The following SORCS1 variants were observed in gnomAD, a reference collection of about 807,000 sequenced individuals.
SORCS1 encodes the protein VPS10 domain-containing receptor SorCS1.
In SORCS1, 60 loss-of-function variants were observed where a neutral mutation model predicts 146.1. That is an observed-to-expected ratio of 0.41 (90% CI 0.33 to 0.51). The LOEUF (loss-of-function observed/expected upper bound fraction) is 0.51. Ranked by LOEUF, SORCS1 falls within the 20% of genes least tolerant of loss-of-function variation. The pLI, the probability that SORCS1 is intolerant of heterozygous loss-of-function variation, is 0.21. For missense variants in SORCS1, 1,352 were observed against 1,487.6 expected (o/e 0.91, Z 1.50); for synonymous variants, 637 against 584.0 (o/e 1.09, Z -1.31).
At chr10:106,644,400 CTT>C (rs550807756) in intron 18 of SORCS1, among the ~76,000 whole-genome samples, 90 of 152,020 alleles carry the variant, frequency 5.9e-4, no homozygotes, top group Non-Finnish European at 9.7e-4. Flanking sequence ...GAGTCTAGCT[CTT>C]GTCACCCAGG....
chr10:106,834,191 T>A (rs985235910), intron 2 of SORCS1, among the ~76,000 whole-genome samples: 4 of 152,184 alleles, frequency 2.6e-5, no homozygotes, highest in Admixed American at 2.6e-4. Flanking sequence ...TAGTCTCCTA[T>A]GGACATGAGC....
chr10:107,131,582 G>A (rs557915605), intron 1 of SORCS1, among the ~76,000 whole-genome samples: 55 of 152,230 alleles, frequency 3.6e-4, no homozygotes, highest in Non-Finnish European at 4.4e-4. Flanking sequence ...AAAATTAGCC[G>A]GGTGTGGTGG....
In SORCS1 at chr10:107,164,596, G is replaced by T; in HGVS notation, c.-70C>A. The T allele has an allele frequency of 8.1e-7, 1 of 1,229,696 alleles. No homozygotes were observed. The highest frequency in any genetic ancestry group is 1.0e-6 in the Non-Finnish European group (1 of 964,940). The allele number at this position is 1,229,696 out of a possible 1,614,324, so 76.2% of individuals were successfully genotyped here. On this transcript the variant is annotated 5_prime_UTR_variant, in exon 1 of 26. Coordinates refer to ENST00000263054, the MANE Select transcript of SORCS1 (RefSeq NM_052918.5). This position sits in a 1 kb window ranked among gnomAD's most constrained non-coding sequence, Gnocchi z 6.8. ...TGGCGGCACGAGCTCTGCGCTGGCG[G>T]CTGTGGGGGGCCGGCGCTCAGGACC...
intron 1 of SORCS1, among the ~76,000 whole-genome samples, chr10:107,126,225 A>G (rs1289949403): frequency 6.6e-6 from 1 of 152,076 alleles, no homozygotes; most frequent in Non-Finnish European, 1.5e-5. Flanking sequence ...CATCCTATCT[A>G]AAACAAACAA....
chr10:106,653,488 G>T (rs1850042462), intron 17 of SORCS1, among the ~76,000 whole-genome samples: 1 of 152,192 alleles, frequency 6.6e-6, no homozygotes, highest in Admixed American at 6.5e-5. Flanking sequence ...GATAGTGAAT[G>T]TTTCAGTTTT....
Position 106,668,587 on chromosome 10 carries a change from C to G in SORCS1, c.2190-785G>C, listed in dbSNP as rs567563742. ...GCACAGACAAATTGCAGGCAGCAAT[C>G]GGCAAGCATTAGTATGAACTGGCCC... On this transcript the variant is annotated intron_variant, in intron 16 of 25. Transcript: ENST00000263054. Among the ~76,000 whole-genome samples the G allele has an allele frequency of 5.6e-4, 85 of 152,190 alleles. 1 individual carries two copies. The highest frequency in any genetic ancestry group is 7.7e-4 in the East Asian group (4 of 5,162).
chr10:107,112,604 A>T (rs561586127), intron 1 of SORCS1, among the ~76,000 whole-genome samples: 1 of 152,134 alleles, frequency 6.6e-6, no homozygotes, highest in Non-Finnish European at 1.5e-5. Flanking sequence ...TGAATGGGTT[A>T]AAAAAAATCA....
chr10:106,784,483 G>A (rs967027743), intron 3 of SORCS1, among the ~76,000 whole-genome samples: 3 of 151,836 alleles, frequency 2.0e-5, no homozygotes, highest in Admixed American at 6.6e-5. Flanking sequence ...CAGTCACTAT[G>A]AGAACTAATT....
At chr10:107,096,678 A>T (rs562911245) in intron 1 of SORCS1, among the ~76,000 whole-genome samples, 10 of 152,136 alleles carry the variant, frequency 6.6e-5, no homozygotes, top group African/African-American at 2.2e-4. Context: ...TGCCTGGCTA[A>T]TTTTTGTAGT....
chr10:106,756,849 C>G (rs1312216294), intron 5 of SORCS1, among the ~76,000 whole-genome samples: 1 of 152,194 alleles, frequency 6.6e-6, no homozygotes, highest in Non-Finnish European at 1.5e-5. Context: ...TATTAAAGAA[C>G]TGAAACTCAC....
At chr10:106,970,905 A>ATTTTTTTTTTTTTTTTTTTT (rs34657393) in intron 1 of SORCS1, among the ~76,000 whole-genome samples, 1 of 96,488 alleles carries the variant, frequency 1.0e-5, no homozygotes, top group Non-Finnish European at 2.1e-5. Flanking sequence ...TGCACAGCTA[A>ATTTTTTTTTTTTTTTTTTTT]TTTTTTTTTT....
At chr10:107,066,187 G>A (rs75319527) in intron 1 of SORCS1, among the ~76,000 whole-genome samples, 5,352 of 152,014 alleles carry the variant, frequency 0.035, 163 homozygotes, top group Non-Finnish European at 0.052. Context: ...GAATGGAGAG[G>A]GCAGTTGTAG....
At chr10:106,828,496 C>G (rs369575459) in intron 3 of SORCS1, among the ~76,000 whole-genome samples, 14 of 152,258 alleles carry the variant, frequency 9.2e-5, no homozygotes, top group African/African-American at 3.4e-4. Context: ...CTTCCATATT[C>G]CAGATGGCAA....
intron 1 of SORCS1, among the ~76,000 whole-genome samples, chr10:107,032,744 C>G (rs1226726026): frequency 6.6e-6 from 1 of 152,154 alleles, no homozygotes; most frequent in Non-Finnish European, 1.5e-5. Context: ...ATTGCTGAAA[C>G]TGTTCACTGA....
At chr10:106,707,560 G>A (rs1854622963) in intron 7 of SORCS1, among the ~76,000 whole-genome samples, 1 of 152,124 alleles carries the variant, frequency 6.6e-6, no homozygotes. Flanking sequence ...GAGTGCAGTG[G>A]CACAATCATA....
At chr10:106,611,132 G>C (rs754140343) in intron 22 of SORCS1, among the ~76,000 whole-genome samples, 12 of 151,726 alleles carry the variant, frequency 7.9e-5, no homozygotes, top group Non-Finnish European at 1.5e-4. Context: ...CCTAAAAGAA[G>C]GTGTCTTCTC....
Position 107,031,251 on chromosome 10 carries a change from T to C in SORCS1, c.559-74671A>G, listed in dbSNP as rs183366131. 2.6e-3 allele frequency among the ~76,000 whole-genome samples: 398 copies of C among 152,370 alleles called. 2 individuals are homozygous for C. Among genetic ancestry groups the C allele is most frequent in the Non-Finnish European group, 3.3e-3 (226 of 68,036 alleles). ...TGTCAATAGTTTCTTCTTTCATTTA[T>C]AGCTAAGCTCCTTCATTTGGTTTCA... is the stretch of plus-strand genomic sequence containing the variant. On this transcript the variant is annotated intron_variant, in intron 1 of 25. Transcript: ENST00000263054.
chr10:106,731,657 A>G, intron 5 of SORCS1, among the ~76,000 whole-genome samples: 1 of 152,202 alleles, frequency 6.6e-6, no homozygotes, highest in East Asian at 1.9e-4. Flanking sequence ...AGAGTTTGTT[A>G]TAAAGAATTA....
intron 1 of SORCS1, among the ~76,000 whole-genome samples, chr10:107,029,471 A>G (rs1958554059): frequency 6.6e-6 from 1 of 152,186 alleles, no homozygotes; most frequent in South Asian, 2.1e-4. Flanking sequence ...TTTTCCTGCA[A>G]TTCTCCATAA....
Sources: gnomAD v4.1 joint callset for allele counts (sites outside exome capture counted in the v4.1 genomes callset) on GRCh38, gnomAD v4.1.1 for gene constraint, Gnocchi (gnomAD v3.1) non-coding constraint, MANE v1.5 for transcripts, NCBI Gene and HGNC (gene_info 2026-07-23, HGNC 2026-07-21) for gene names.